Variants in ERC2 observed in about 807,000 individuals in gnomAD.
The protein encoded by ERC2 is ERC protein 2.
Under a neutral mutation model 114.8 loss-of-function variants are expected in ERC2, and 42 were observed. The ratio of observed to expected loss-of-function variants is 0.37; its 90% CI spans 0.29 to 0.47. The LOEUF is 0.47. Among genes scored for constraint, ERC2 ranks in the 20% least tolerant of loss-of-function variants. The pLI, the probability that ERC2 is intolerant of heterozygous loss-of-function variation, is 0.99. For missense variants in ERC2, 939 were observed against 1,150.7 expected (o/e 0.82, Z 2.66); for synonymous variants, 454 against 425.5 (o/e 1.07, Z -0.82).
intron 2 of ERC2, among the ~76,000 whole-genome samples, chr3:56,381,588 A>T (rs1041069613): frequency 6.6e-6 from 1 of 152,138 alleles, no homozygotes; most frequent in Non-Finnish European, 1.5e-5. Context: ...AATAGATTCA[A>T]TAGCAGATTC....
At chr3:55,564,547 C>T (rs1159004888) in intron 17 of ERC2, among the ~76,000 whole-genome samples, 1 of 152,188 alleles carries the variant, frequency 6.6e-6, no homozygotes, top group Non-Finnish European at 1.5e-5. Context: ...TGCCAGCTGT[C>T]CACTCCACTA....
At chr3:55,571,236 A>C (rs1367519906) in intron 17 of ERC2, among the ~76,000 whole-genome samples, 1 of 151,728 alleles carries the variant, frequency 6.6e-6, no homozygotes, top group Non-Finnish European at 1.5e-5. Context: ...TGTGCTCCTG[A>C]CAGCCTAGCT....
intron 2 of ERC2, among the ~76,000 whole-genome samples, chr3:56,399,595 G>C (rs890348075): frequency 1.3e-5 from 2 of 152,052 alleles, no homozygotes. Context: ...TAGATAAAGA[G>C]TACTGCAGAA....
chr3:55,614,107 A>G (rs1294924460), intron 17 of ERC2, among the ~76,000 whole-genome samples: 2 of 152,106 alleles, frequency 1.3e-5, no homozygotes, highest in African/African-American at 4.8e-5. Flanking sequence ...TGATAAAATG[A>G]ACAGATCAGC....
intron 7 of ERC2, among the ~76,000 whole-genome samples, chr3:56,034,039 T>C (rs886594370): frequency 2.0e-5 from 3 of 152,202 alleles, no homozygotes; most frequent in African/African-American, 7.2e-5. Context: ...AATGTCTAAA[T>C]TGATTTTTAA....
At chr3:56,463,069 T>C (rs139250589) in intron 1 of ERC2, among the ~76,000 whole-genome samples, 264 of 152,052 alleles carry the variant, frequency 1.7e-3, no homozygotes, top group African/African-American at 6.1e-3. Context: ...TTTACAAAAG[T>C]ATACAAAAAT....
chr3:56,212,778 T>TATATAC (rs1202881328), intron 3 of ERC2, among the ~76,000 whole-genome samples: 3 of 140,284 alleles, frequency 2.1e-5, no homozygotes, highest in East Asian at 4.0e-4. Flanking sequence ...CAAAATATGG[T>TATATAC]ATATACATAT....
intron 13 of ERC2, among the ~76,000 whole-genome samples, chr3:55,910,475 T>C (rs760744129): frequency 1.1e-4 from 16 of 152,140 alleles, no homozygotes; most frequent in Non-Finnish European, 1.9e-4. Context: ...TATATATGTA[T>C]ATATGTAGAC....
chr3:55,870,592 C>T (rs2149281397), intron 14 of ERC2, among the ~76,000 whole-genome samples: 1 of 152,184 alleles, frequency 6.6e-6, no homozygotes, highest in Non-Finnish European at 1.5e-5. Flanking sequence ...AGGTGTAGGG[C>T]CAAGATTCAA....
chr3:55,955,167 TA>T (rs1469773624), intron 12 of ERC2: 7 of 516,594 alleles, frequency 1.4e-5, no homozygotes, highest in South Asian at 9.9e-5. Context: ...CACCAGTCTA[TA>T]AAAACAGTGG....
intron 2 of ERC2, among the ~76,000 whole-genome samples, chr3:56,351,107 T>C (rs2058536160): frequency 6.6e-6 from 1 of 152,146 alleles, no homozygotes; most frequent in Non-Finnish European, 1.5e-5. Flanking sequence ...ATTAATGGTA[T>C]TTAATAATAT....
At chr3:56,110,139 G>A (rs1361176110) in intron 6 of ERC2, among the ~76,000 whole-genome samples, 1 of 152,114 alleles carries the variant, frequency 6.6e-6, no homozygotes, top group Admixed American at 6.6e-5. Context: ...GTTGTAAAAA[G>A]GCAGGATAGT....
chr3:56,162,609 G>A (rs1020901505), intron 4 of ERC2, among the ~76,000 whole-genome samples: 9 of 152,170 alleles, frequency 5.9e-5, no homozygotes, highest in African/African-American at 2.2e-4. Flanking sequence ...AATCTTGGGA[G>A]AGTGTGTGTT....
intron 2 of ERC2, among the ~76,000 whole-genome samples, chr3:56,370,582 T>TG (rs953401054): frequency 6.8e-6 from 1 of 147,200 alleles, no homozygotes; most frequent in Non-Finnish European, 1.5e-5. Context: ...TGGGTTTTGG[T>TG]GGGGGTTTTT....
intron 14 of ERC2, among the ~76,000 whole-genome samples, chr3:55,746,753 T>G (rs547043058): frequency 5.9e-5 from 9 of 152,302 alleles, no homozygotes; most frequent in East Asian, 1.9e-4. Flanking sequence ...TCTGATCCCT[T>G]CTGGGAGAGG....
intron 14 of ERC2, among the ~76,000 whole-genome samples, chr3:55,796,289 T>C (rs967865731): frequency 2.6e-5 from 4 of 152,176 alleles, no homozygotes; most frequent in Admixed American, 6.5e-5. Flanking sequence ...GTGGACTGCA[T>C]GAGAAGCAGA....
At chr3:55,584,197 A>T (rs559717995) in intron 17 of ERC2, among the ~76,000 whole-genome samples, 29 of 152,294 alleles carry the variant, frequency 1.9e-4, no homozygotes, top group Non-Finnish European at 4.3e-4. Flanking sequence ...TAGGCCCTGG[A>T]GCCAGATGCC....
chr3:55,787,575 C>T (rs934828313), intron 14 of ERC2, among the ~76,000 whole-genome samples: 3 of 152,096 alleles, frequency 2.0e-5, no homozygotes, highest in Non-Finnish European at 4.4e-5. Context: ...AGTAACTTTT[C>T]ATATATTTTA....
At chr3:56,303,749 T>C (rs964872571) in intron 2 of ERC2, among the ~76,000 whole-genome samples, 1 of 152,182 alleles carries the variant, frequency 6.6e-6, no homozygotes, top group Non-Finnish European at 1.5e-5. Context: ...GAGATTCTTC[T>C]AGCAAGCCCA....
Sources: gnomAD v4.1 joint callset for allele counts (sites outside exome capture counted in the v4.1 genomes callset) on GRCh38, gnomAD v4.1.1 for gene constraint, MANE v1.5 for transcripts, NCBI Gene and HGNC (gene_info 2026-07-23, HGNC 2026-07-21) for gene names.